AGBL3: variants seen among roughly 807,000 people sequenced by gnomAD.
The protein encoded by AGBL3 is AGBL carboxypeptidase 3.
Under a neutral mutation model 94.5 loss-of-function variants are expected in AGBL3, and 68 were observed. The observed-to-expected ratio is 0.72, with a 90% CI of 0.59 to 0.88. The LOEUF (loss-of-function observed/expected upper bound fraction) is 0.88, where lower values mean the gene tolerates loss of function less well. AGBL3 is among the 40% of genes least tolerant of loss of function. The pLI is 0.00. For missense variants in AGBL3, 934 were observed against 1,103.8 expected (o/e 0.85, Z 2.18); for synonymous variants, 354 against 370.7 (o/e 0.95, Z 0.52).
At chr7:135,091,074 T>C (rs966739914) in intron 15 of AGBL3, among the ~76,000 whole-genome samples, 7 of 152,154 alleles carry the variant, frequency 4.6e-5, no homozygotes, top group African/African-American at 1.4e-4. Context: ...AATGTGTTGA[T>C]GGAGGTTACT....
intron 15 of AGBL3, among the ~76,000 whole-genome samples, chr7:135,084,316 TCAAA>T (rs1821159896): frequency 1.3e-5 from 2 of 152,156 alleles, no homozygotes; most frequent in South Asian, 2.1e-4. Context: ...TAGCATCACC[TCAAA>T]CAGTTATCAT....
At chr7:135,052,638 T>TA (rs577179238) in intron 11 of AGBL3, among the ~76,000 whole-genome samples, 25 of 152,122 alleles carry the variant, frequency 1.6e-4, no homozygotes, top group Non-Finnish European at 2.6e-4. Flanking sequence ...TGTGTACCCT[T>TA]AGTTTAGCTC....
In AGBL3 at chr7:135,066,330, C is replaced by T. The variant is rs187543300; in HGVS notation, c.1908+7095C>T. 7.8e-4 allele frequency among the ~76,000 whole-genome samples: 119 copies of T among 152,304 alleles called. 1 individual carries two copies. Among genetic ancestry groups the T allele is most frequent in the Non-Finnish European group, 1.6e-3 (107 of 68,030 alleles). ...AAAATGGGCTAAGTACTTGAATAGA[C>T]ATTTCTCCAAGGAAGACATATAAAT... On this transcript the variant is annotated intron_variant, in intron 12 of 16. Transcript: ENST00000436302.
intron 15 of AGBL3, chr7:135,094,456 T>C: frequency 2.2e-6 from 1 of 456,628 alleles, no homozygotes; most frequent in Non-Finnish European, 4.4e-6. Context: ...AGAGGCTGAG[T>C]GCGCACTAGC....
chr7:135,092,327 T>C (rs1381012184), intron 15 of AGBL3: 1 of 152,250 alleles, frequency 6.6e-6, no homozygotes, highest in Non-Finnish European at 1.5e-5. Flanking sequence ...TATATTTTTA[T>C]TCTGAATATA....
chr7:135,128,304 AAAAAAAAAAAAAAAACGAAAAAAAAAAAC>A (rs2117309597), intron 16 of AGBL3: 1 of 243,554 alleles, frequency 4.1e-6, no homozygotes, highest in Admixed American at 5.4e-5. Flanking sequence ...AAAAAAAAAA[AAAAAAAAAAAAAAAACGAAAAAAAAAAAC>A]AAAACAACAA....
At chr7:134,997,688 A>G (rs1811183082) in intron 4 of AGBL3, among the ~76,000 whole-genome samples, 1 of 152,208 alleles carries the variant, frequency 6.6e-6, no homozygotes, top group Non-Finnish European at 1.5e-5. Context: ...CCAAGGTCCC[A>G]GGTAGACAAA....
At chr7:135,088,032 A>AT (rs1183912427) in intron 15 of AGBL3, among the ~76,000 whole-genome samples, 1 of 151,970 alleles carries the variant, frequency 6.6e-6, no homozygotes, top group Non-Finnish European at 1.5e-5. Context: ...CACAATCATT[A>AT]TATCTTCTTA....
chr7:135,059,223 G>T lies in AGBL3; in HGVS notation c.1896G>T (p.Lys632Asn). The T allele has an allele frequency of 6.4e-7, 1 of 1,550,830 alleles. No individual in the cohort carries two copies. Residue 632 changes from lysine (K) to asparagine (N), a missense_variant, in exon 12 of 17, where the codon AAG becomes AAT. Transcript: ENST00000436302. Reference sequence around the variant, plus strand: ...TTGACTCTCTGACTTACCTTCTCAAGTTAACTTCTCAGGTATGACTGAACA... The same window carrying T: ...TTGACTCTCTGACTTACCTTCTCAATTTAACTTCTCAGGTATGACTGAACA... The part of the protein sequence containing the change: ...ESIDSLTYLL[K>N]LTSQKKHLKT...
At position 135,034,930 on chromosome 7, in the gene AGBL3, T is replaced by C. The variant is rs1359301584; in HGVS notation, c.1337+2T>C. 1.3e-6 allele frequency: 2 copies of C among 1,484,424 alleles called. No homozygotes were observed. Among genetic ancestry groups the C allele is most frequent in the Non-Finnish European group, 1.8e-6 (2 of 1,118,620 alleles). 92.0% of individuals were successfully genotyped at this position (1,484,424 alleles called of 1,614,324 possible). On this transcript the variant is annotated splice_donor_variant, in intron 7 of 16. Coordinates refer to ENST00000436302, the MANE Select transcript of AGBL3 (RefSeq NM_178563.4). LOFTEE classifies it high-confidence loss of function. ...GTATACCCGGAACATGGTTCATAGG[T>C]AAAATAAGCCTCAAATTACCTCTGT...
chr7:135,097,236 T>C (rs1585093830), intron 15 of AGBL3, among the ~76,000 whole-genome samples: 1 of 152,136 alleles, frequency 6.6e-6, no homozygotes, highest in Non-Finnish European at 1.5e-5. Flanking sequence ...TTGTAAAAGA[T>C]GTGTTGGCCT....
intron 12 of AGBL3, among the ~76,000 whole-genome samples, chr7:135,067,460 C>A (rs1038137120): frequency 4.6e-5 from 7 of 152,206 alleles, no homozygotes; most frequent in Non-Finnish European, 1.0e-4. Context: ...GTCCCTGACC[C>A]CCGAGTAGCC....
chr7:135,094,572 T>A (rs73442109), intron 15 of AGBL3: 236 of 456,002 alleles, frequency 5.2e-4, no homozygotes, highest in African/African-American at 4.5e-3. Context: ...AAGAAAGACC[T>A]CTTAGTTGCT....
chr7:135,099,618 C>T (rs767601967), intron 15 of AGBL3, among the ~76,000 whole-genome samples: 1 of 152,086 alleles, frequency 6.6e-6, no homozygotes, highest in Non-Finnish European at 1.5e-5. Context: ...CTACCTTACA[C>T]CTTTTCCTCT....
intron 5 of AGBL3, 24 bp downstream of exon 5, chr7:135,017,183 G>A: frequency 6.9e-7 from 1 of 1,446,050 alleles, no homozygotes; most frequent in Non-Finnish European, 9.5e-7. Flanking sequence ...GACACATGTT[G>A]CTGTAAAATA....
intron 15 of AGBL3, among the ~76,000 whole-genome samples, chr7:135,109,264 G>C (rs564786065): frequency 6.6e-6 from 1 of 152,172 alleles, no homozygotes; most frequent in African/African-American, 2.4e-5. Flanking sequence ...TTGGGCCATC[G>C]AACTGCCAGA....
chr7:135,018,183 G>A (rs1306182138), intron 5 of AGBL3, among the ~76,000 whole-genome samples: 2 of 152,172 alleles, frequency 1.3e-5, no homozygotes, highest in Non-Finnish European at 1.5e-5. Context: ...GGCCTGAAAG[G>A]GTGAGAAGAC....
rs537816622 is a variant in AGBL3, at chr7:135,059,248, A to G, written c.1908+13A>G. 1.9e-6 allele frequency: 3 copies of G among 1,546,740 alleles called. No individual in the cohort carries two copies. The highest frequency in any genetic ancestry group is 2.7e-5 in the African/African-American group (2 of 72,980). On this transcript the variant is annotated intron_variant, in intron 12 of 16. Transcript: ENST00000436302. ...GTTAACTTCTCAGGTATGACTGAAC[A>G]TTTTTGCTTATATGTGGATATGCTG...
At chr7:135,113,625 A>C (rs997856037) in intron 15 of AGBL3, among the ~76,000 whole-genome samples, 3 of 152,232 alleles carry the variant, frequency 2.0e-5, no homozygotes, top group Non-Finnish European at 4.4e-5. Flanking sequence ...GGCTTTACTC[A>C]GGGTTCCACC....
Sources: gnomAD v4.1 joint callset for allele counts (sites outside exome capture counted in the v4.1 genomes callset) on GRCh38, gnomAD v4.1.1 for gene constraint, MANE v1.5 for transcripts, NCBI Gene and HGNC (gene_info 2026-07-23, HGNC 2026-07-21) for gene names.